SAMD12: variants seen among roughly 807,000 people sequenced by gnomAD.
SAMD12 encodes sterile alpha motif domain containing 12.
In SAMD12, 9 loss-of-function variants were observed where a neutral mutation model predicts 15.0. The observed-to-expected ratio is 0.60, with a 90% confidence interval of 0.36 to 1.05. The LOEUF is 1.05. Ranked by LOEUF, SAMD12 falls within the 50% of genes least tolerant of loss-of-function variation. The pLI is 0.01. For missense variants in SAMD12, 230 were observed against 234.2 expected (o/e 0.98, Z 0.12); for synonymous variants, 86 against 90.1 (o/e 0.96, Z 0.25).
intron 4 of SAMD12, chr8:118,284,132 T>G: frequency 1.3e-5 from 5 of 370,478 alleles, no homozygotes; most frequent in Non-Finnish European, 2.6e-5. Flanking sequence ...TGCCCTTCCA[T>G]GTATATTCTT....
At chr8:118,291,095 A>G (rs1477355525) in intron 4 of SAMD12, 1 of 152,236 alleles carries the variant, frequency 6.6e-6, no homozygotes, top group Non-Finnish European at 1.5e-5. Flanking sequence ...TCCTAGTACA[A>G]TGAAAATGTT....
chr8:118,185,275 G>A (rs887104690), downstream of SAMD12, among the ~76,000 whole-genome samples: 4 of 151,934 alleles, frequency 2.6e-5, no homozygotes, highest in African/African-American at 9.7e-5. Context: ...GGTTCAGGTG[G>A]TTTTCGATTA....
chr8:118,597,409 T>A (rs118076685), intron 1 of SAMD12, among the ~76,000 whole-genome samples: 1 of 152,316 alleles, frequency 6.6e-6, no homozygotes, highest in East Asian at 1.9e-4. Flanking sequence ...GTGACAAAAC[T>A]CTGGTAATGT....
At chr8:118,422,905 G>A (rs928765515) in intron 3 of SAMD12, among the ~76,000 whole-genome samples, 1 of 152,152 alleles carries the variant, frequency 6.6e-6, no homozygotes, top group African/African-American at 2.4e-5. Context: ...GAGGAGCAAG[G>A]GACGGTAGGC....
intron 2 of SAMD12, among the ~76,000 whole-genome samples, chr8:118,516,789 C>T (rs907904009): frequency 6.6e-6 from 1 of 152,100 alleles, no homozygotes; most frequent in African/African-American, 2.4e-5. Flanking sequence ...CAGGCCCACA[C>T]CACTATACCT....
intron 4 of SAMD12, among the ~76,000 whole-genome samples, chr8:118,271,571 T>C (rs552398781): frequency 6.6e-6 from 1 of 152,184 alleles, no homozygotes; most frequent in African/African-American, 2.4e-5. Context: ...AAGTCCAAAA[T>C]CTCATCTGAG....
chr8:118,610,118 G>T (rs1828070505), intron 1 of SAMD12, among the ~76,000 whole-genome samples: 1 of 152,126 alleles, frequency 6.6e-6, no homozygotes, highest in African/African-American at 2.4e-5. Context: ...GTGTGCTGGG[G>T]TACGGGTGAA....
rs144508706 is a variant in SAMD12 at position 118,200,215 on chromosome 8, T to C, written c.434-2483A>G. Among the ~76,000 whole-genome samples, 367 of 152,014 alleles carry C rather than the reference T, an allele frequency of 2.4e-3. 1 individual carries two copies. Among genetic ancestry groups the C allele is most frequent in the African/African-American group, 8.7e-3 (360 of 41,430 alleles). On this transcript the variant is annotated intron_variant, in intron 4 of 4. Transcript: ENST00000409003. ...TTCCTTTATAATTTACCCAGTCTGG[T>C]ATGTCTTTAACAGCAGAACGACAAC... is the stretch of plus-strand genomic sequence containing the variant.
chr8:118,273,845 T>C (rs1813419127), intron 4 of SAMD12, among the ~76,000 whole-genome samples: 1 of 152,072 alleles, frequency 6.6e-6, no homozygotes, highest in South Asian at 2.1e-4. Context: ...ACAAGTACAG[T>C]CCTCAGGTAG....
intron 4 of SAMD12, among the ~76,000 whole-genome samples, chr8:118,371,643 A>C (rs1245165032): frequency 6.6e-6 from 1 of 152,178 alleles, no homozygotes; most frequent in Non-Finnish European, 1.5e-5. Context: ...ATAATGGGTT[A>C]GATTCAGATA....
intron 2 of SAMD12, among the ~76,000 whole-genome samples, chr8:118,449,792 C>T (rs1423188989): frequency 1.2e-5 from 1 of 82,336 alleles, no homozygotes; most frequent in Non-Finnish European, 2.1e-5. Flanking sequence ...CAGAGCGAGA[C>T]TGTCTCAAAA....
chr8:118,207,927 C>G (rs560138825), intron 4 of SAMD12, among the ~76,000 whole-genome samples: 418 of 37,882 alleles, frequency 0.011, 4 homozygotes, highest in African/African-American at 0.046. Flanking sequence ...CGTAAATACT[C>G]CTTTTTTTTT....
intron 2 of SAMD12, among the ~76,000 whole-genome samples, chr8:118,543,633 T>TTC (rs1563573468): frequency 8.2e-6 from 1 of 121,342 alleles, no homozygotes; most frequent in African/African-American, 3.8e-5. Flanking sequence ...CTTTCTTTCT[T>TTC]TTTTTTTTTT....
chr8:118,335,398 T>C (rs1390742324), intron 4 of SAMD12, among the ~76,000 whole-genome samples: 1 of 152,222 alleles, frequency 6.6e-6, no homozygotes, highest in Admixed American at 6.5e-5. Context: ...CAAGAAATTG[T>C]CTTCCCTCAC....
chr8:118,173,565 T>TAA, the SAMD12 span, among the ~76,000 whole-genome samples: 1,747 of 147,866 alleles, frequency 0.012, 47 homozygotes, highest in African/African-American at 0.04. Context: ...TATATATATA[T>TAA]AATCTATATA....
the SAMD12 span, among the ~76,000 whole-genome samples, chr8:118,164,017 C>T: frequency 6.6e-6 from 1 of 152,206 alleles, no homozygotes; most frequent in East Asian, 1.9e-4. Context: ...CAACTTTACA[C>T]ATGTGCTTTT....
chr8:118,299,274 G>T (rs570911941), intron 4 of SAMD12, among the ~76,000 whole-genome samples: 6 of 152,154 alleles, frequency 3.9e-5, no homozygotes, highest in Admixed American at 1.3e-4. Context: ...TAGTAAGGTT[G>T]GTGGAGGCAG....
intron 4 of SAMD12, among the ~76,000 whole-genome samples, chr8:118,275,472 A>C (rs887488929): frequency 1.3e-5 from 2 of 152,142 alleles, no homozygotes; most frequent in Non-Finnish European, 2.9e-5. Context: ...CTCTTTTTCT[A>C]TTATCTAAAA....
chr8:118,257,262 A>G (rs1181801719), intron 4 of SAMD12, among the ~76,000 whole-genome samples: 1 of 152,094 alleles, frequency 6.6e-6, no homozygotes, highest in Non-Finnish European at 1.5e-5. Context: ...CCATGATTTA[A>G]TCAGACACCT....
Sources: allele counts gnomAD v4.1 joint callset (sites outside exome capture counted in the v4.1 genomes callset), GRCh38; gene constraint gnomAD v4.1.1; transcripts MANE v1.5; gene names NCBI Gene and HGNC (gene_info 2026-07-23, HGNC 2026-07-21).